KMT5A: variants seen among roughly 807,000 people sequenced by gnomAD.
KMT5A encodes N-lysine methyltransferase KMT5A.
Under a neutral mutation model 40.6 loss-of-function variants are expected in KMT5A, and 6 were observed. The ratio of observed to expected loss-of-function variants is 0.15; its 90% CI spans 0.08 to 0.29. KMT5A has a LOEUF of 0.29. Ranked by LOEUF, KMT5A falls within the 10% of genes least tolerant of loss-of-function variation. KMT5A has a pLI of 1.00. For synonymous variants in KMT5A, 153 were observed against 178.8 expected, an observed-to-expected ratio of 0.86 and a Z score of 1.15; for missense variants, 308 against 459.1, an observed-to-expected ratio of 0.67 and a Z score of 3.01.
chr12:123,396,495 G>C (rs1156571740), intron 5 of KMT5A, 63 bp downstream of exon 5: 1 of 1,473,300 alleles, frequency 6.8e-7, no homozygotes, highest in Non-Finnish European at 9.5e-7. Flanking sequence ...GCAGTGCTTG[G>C]CGTGTGCGTA....
chr12:123,389,615 A>T, intron 2 of KMT5A, 61 bp downstream of exon 2: 4 of 1,035,402 alleles, frequency 3.9e-6, no homozygotes, highest in Non-Finnish European at 4.6e-6. Context: ...CCGCGAGCAC[A>T]TGGGCGACCC....
chr12:123,390,387 C>T (rs1003853041), intron 2 of KMT5A, among the ~76,000 whole-genome samples: 1 of 152,168 alleles, frequency 6.6e-6, no homozygotes, highest in Non-Finnish European at 1.5e-5. Flanking sequence ...GCAGCCGACT[C>T]TCCTGCTGGC....
rs202211323 is a variant in KMT5A at position 123,407,726 on chromosome 12, C to T, written c.*23C>T. ...TAACCGGTGGGCCCCGTGCCCTCCC[C>T]GCCCCACTTTCCCTTCTTCAAAGGA... On this transcript the variant is annotated 3_prime_UTR_variant, in exon 8 of 8. Coordinates refer to ENST00000402868, the MANE Select transcript of KMT5A (RefSeq NM_020382.7). The T allele has an allele frequency of 4.2e-4, 662 of 1,587,082 alleles. 4 individuals are homozygous for T. The highest frequency in any genetic ancestry group is 3.0e-3 in the South Asian group (269 of 88,928).
chr12:123,396,602 A>T (rs1238214223), intron 5 of KMT5A, among the ~76,000 whole-genome samples, 170 bp downstream of exon 5: 1 of 152,104 alleles, frequency 6.6e-6, no homozygotes, highest in East Asian at 1.9e-4. Flanking sequence ...ATCCTCACAA[A>T]GCTTGTCCTG....
chr12:123,399,058 G>T (rs1264736597), intron 5 of KMT5A, among the ~76,000 whole-genome samples: 1 of 152,254 alleles, frequency 6.6e-6, no homozygotes, highest in Non-Finnish European at 1.5e-5. Flanking sequence ...TCCACCAAGT[G>T]CTTCACTGCA....
chr12:123,390,807 C>G (rs753700558), intron 3 of KMT5A, 21 bp downstream of exon 3: 4 of 1,612,672 alleles, frequency 2.5e-6, no homozygotes, highest in Non-Finnish European at 3.4e-6. Context: ...GAAATGGCCT[C>G]GTTCTGATCC....
intron 5 of KMT5A, among the ~76,000 whole-genome samples, 191 bp downstream of exon 5, chr12:123,396,623 G>T (rs569863633): frequency 5.9e-5 from 9 of 152,280 alleles, no homozygotes; most frequent in African/African-American, 1.9e-4. Flanking sequence ...CCTTTCTGCT[G>T]GGGTCACTGC....
chr12:123,387,477 T>G (rs1159034785), intron 1 of KMT5A, among the ~76,000 whole-genome samples: 1 of 152,200 alleles, frequency 6.6e-6, no homozygotes, highest in African/African-American at 2.4e-5. Context: ...AGAAGACGCT[T>G]TCAAATGGCT....
rs148513042 is a variant in KMT5A, at chr12:123,396,092, C to T, written c.510-253C>T. ...AACTCCTGGGCTCAAGTGATCCTCCCGCCTCAGCCTCCCAGAGTGTTGGCA... is the reference window on the plus strand; with the variant it reads ...AACTCCTGGGCTCAAGTGATCCTCCTGCCTCAGCCTCCCAGAGTGTTGGCA... On this transcript the variant is annotated intron_variant, in intron 4 of 7. Transcript: ENST00000402868. Among the ~76,000 whole-genome samples the T allele has an allele frequency of 4.7e-3, 721 of 151,950 alleles. 5 individuals carry two copies. Among genetic ancestry groups the T allele is most frequent in the African/African-American group, 0.017 (697 of 41,418 alleles).
At chr12:123,404,738 C>T in intron 6 of KMT5A, 146 bp from the exon 7 acceptor site, 1 of 727,950 alleles carries the variant, frequency 1.4e-6, no homozygotes, top group East Asian at 2.7e-5. Flanking sequence ...AACCCATCAG[C>T]CTGTACATGT....
At chr12:123,396,506 T>C in intron 5 of KMT5A, 74 bp downstream of exon 5, 6 of 1,367,188 alleles carry the variant, frequency 4.4e-6, no homozygotes, top group Non-Finnish European at 6.3e-6. Flanking sequence ...CGTGTGCGTA[T>C]GTGTGTGTCC....
At chr12:123,395,655 C>T (rs1306868363) in intron 4 of KMT5A, among the ~76,000 whole-genome samples, 8 of 151,386 alleles carry the variant, frequency 5.3e-5, no homozygotes. Flanking sequence ...AACACCACCT[C>T]CTGGGTTCAA....
intron 7 of KMT5A, among the ~76,000 whole-genome samples, chr12:123,405,393 A>G (rs1201067312): frequency 6.7e-6 from 1 of 149,618 alleles, no homozygotes; most frequent in Non-Finnish European, 1.5e-5. Flanking sequence ...CTGGTCTTGA[A>G]CTCCTGACCT....
chr12:123,404,746 TGTAAA>T (rs1878410647), intron 6 of KMT5A, 133 bp from the exon 7 acceptor site: 1 of 787,382 alleles, frequency 1.3e-6, no homozygotes, highest in Non-Finnish European at 2.0e-6. Context: ...AGCCTGTACA[TGTAAA>T]GTGAGTGAAT....
intron 2 of KMT5A, chr12:123,390,260 C>T (rs1203990691): frequency 2.4e-6 from 1 of 409,100 alleles, no homozygotes; most frequent in Non-Finnish European, 4.8e-6. Context: ...TGCTGAGTCC[C>T]TGCGGCTCCT....
chr12:123,402,207 T>C (rs957951667), intron 5 of KMT5A, among the ~76,000 whole-genome samples: 1 of 152,214 alleles, frequency 6.6e-6, no homozygotes, highest in Admixed American at 6.5e-5. Context: ...AAGACCCCTC[T>C]GGCTACCTTG....
rs920181004 is a variant in KMT5A, at chr12:123,389,416, C to T, written c.11-17C>T. On this transcript the variant is annotated splice_polypyrimidine_tract_variant and intron_variant, in intron 1 of 7. Coordinates refer to ENST00000402868, the MANE Select transcript of KMT5A (RefSeq NM_020382.7). ...TGAGCGCCCCCTCCCCCGCTTCCCC[C>T]GGGTCCCCTTCTCCAGGCAGGAAGA... is the stretch of plus-strand genomic sequence containing the variant. The T allele has an allele frequency of 2.6e-4, 278 of 1,052,412 alleles. 2 individuals are homozygous for T. Among genetic ancestry groups the T allele is most frequent in the Admixed American group, 1.3e-3 (23 of 17,970 alleles). 65.2% of individuals were successfully genotyped at this position (1,052,412 alleles called of 1,614,324 possible).
At position 123,409,323 on chromosome 12, in the gene KMT5A, GAAAC is replaced by G. The variant is rs1878845440; in HGVS notation, c.*1624_*1627del. 1 of 152,530 alleles carries G rather than the reference GAAAC, an allele frequency of 6.6e-6. No homozygotes were observed. The highest frequency in any genetic ancestry group is 1.5e-5 in the Non-Finnish European group (1 of 68,034). 9.4% of individuals were successfully genotyped at this position (152,530 alleles called of 1,614,324 possible). On this transcript the variant is annotated 3_prime_UTR_variant, in exon 8 of 8. Transcript: ENST00000402868. ...GAAAATTATTTGTCATCATAAAAAT[GAAAC>G]AAATTAAAATATTTATTGCCAGGCA...
chr12:123,393,690 C>T (rs146670476), intron 3 of KMT5A, among the ~76,000 whole-genome samples: 3 of 152,218 alleles, frequency 2.0e-5, no homozygotes, highest in Admixed American at 2.0e-4. Flanking sequence ...TAGGCGCACA[C>T]CACCACGCCT....
Sources: allele counts gnomAD v4.1 joint callset (sites outside exome capture counted in the v4.1 genomes callset), GRCh38; gene constraint gnomAD v4.1.1; transcripts MANE v1.5; gene names NCBI Gene and HGNC (gene_info 2026-07-23, HGNC 2026-07-21).